The following MIER1 variants were observed in gnomAD, a reference collection of about 807,000 sequenced individuals.
The protein encoded by MIER1 is MIER1 transcriptional regulator, also known as mesoderm induction early response protein 1.
MIER1 carries 40 observed loss-of-function variants against 75.7 expected under a neutral mutation model. That is an observed-to-expected ratio of 0.53 (90% CI 0.41 to 0.69). The LOEUF is 0.69. MIER1 is among the 30% of genes least tolerant of loss of function. The pLI is 0.00. For synonymous variants in MIER1, 213 were observed against 223.4 expected, an observed-to-expected ratio of 0.95 and a Z score of 0.42; for missense variants, 574 against 680.2, an observed-to-expected ratio of 0.84 and a Z score of 1.74.
At chr1:66,984,336 A>C (rs1666473551) in intron 13 of MIER1, among the ~76,000 whole-genome samples, 1 of 152,202 alleles carries the variant, frequency 6.6e-6, no homozygotes, top group Admixed American at 6.5e-5. Context: ...TTTTCACAAC[A>C]ACCCTGTGAG....
At chr1:66,963,054 A>T in intron 7 of MIER1, 34 bp from the exon 8 acceptor site, 1 of 1,402,394 alleles carries the variant, frequency 7.1e-7, no homozygotes, top group Middle Eastern at 1.9e-4. Context: ...CTGTTACTAG[A>T]TCTTACTAAT....
At position 66,959,738 on chromosome 1, in the gene MIER1, A is replaced by G; in HGVS notation, c.694A>G (p.Lys232Glu). Residue 232 changes from lysine (K) to glutamate (E), a missense_variant, in exon 7 of 14, where the codon AAA becomes GAA. Lys to Glu is a moderately conservative substitution (Grantham distance 56). This residue lies in a region of MIER1 where 309 missense variants were observed against 352.8 expected (regional missense o/e 0.88). Coordinates refer to ENST00000401041, the MANE Select transcript of MIER1 (RefSeq NM_001077700.3). The stretch of plus-strand genomic sequence containing the variant: ...AGATTATATTCCATCAGAAGACTGG[A>G]AAAAGGTAGTTAGAACAATATTTTC... Reference protein sequence around the residue: ...DEDYIPSEDWKKEIMVGSMFQ... With the variant: ...DEDYIPSEDWEKEIMVGSMFQ... 6 of 1,393,516 alleles carry G rather than the reference A, an allele frequency of 4.3e-6. No individual in the cohort carries two copies. The highest frequency in any genetic ancestry group is 5.8e-6 in the Non-Finnish European group (6 of 1,039,486). 86.3% of individuals were successfully genotyped at this position (1,393,516 alleles called of 1,614,324 possible).
At chr1:66,943,579 T>C (rs912296343) in intron 3 of MIER1, among the ~76,000 whole-genome samples, 1 of 152,156 alleles carries the variant, frequency 6.6e-6, no homozygotes, top group Admixed American at 6.5e-5. Context: ...CTTTCCTCCT[T>C]TCCTCTTTTC....
chr1:66,944,622 A>G (rs1657054740), intron 3 of MIER1, among the ~76,000 whole-genome samples: 1 of 151,982 alleles, frequency 6.6e-6, no homozygotes, highest in Non-Finnish European at 1.5e-5. Flanking sequence ...GGAGTTCTCT[A>G]TGCAGTTTTA....
At position 66,986,466 on chromosome 1, in the gene MIER1, T is replaced by A; in HGVS notation, c.*1566T>A. On this transcript the variant is annotated 3_prime_UTR_variant, in exon 14 of 14. Coordinates refer to ENST00000401041, the MANE Select transcript of MIER1 (RefSeq NM_001077700.3). ...ATCAGTTCAAGAGCCAATGCCTTTTTAAAATAAAGCTTCTGTGGTCTTGTT... is the reference window on the plus strand; with the variant it reads ...ATCAGTTCAAGAGCCAATGCCTTTTAAAAATAAAGCTTCTGTGGTCTTGTT... The A allele has an allele frequency of 6.2e-6, 10 of 1,609,476 alleles. No homozygotes were observed. The highest frequency in any genetic ancestry group is 7.7e-6 in the Non-Finnish European group (9 of 1,175,918).
In MIER1 at chr1:66,977,077, GT is replaced by G. The variant is rs1664860623; in HGVS notation, c.1229+357del. On this transcript the variant is annotated intron_variant, in intron 12 of 13. Transcript: ENST00000401041. ...TGAAAGCATGTTTTTCTTAAATTCAGTTCCATTCAGTATAAGCACATACAGT... is the reference window on the plus strand; with the variant it reads ...TGAAAGCATGTTTTTCTTAAATTCAGTCCATTCAGTATAAGCACATACAGT... Among the ~76,000 whole-genome samples the G allele has an allele frequency of 3.3e-5, 5 of 151,686 alleles. No homozygotes were observed. The South Asian group carries it at 1.0e-3, about 32-fold the overall frequency.
rs758335095 is a variant in MIER1 at position 66,974,435 on chromosome 1, TG to T, written c.1101+1445del. On this transcript the variant is annotated intron_variant, in intron 11 of 13. Transcript: ENST00000401041. Reference sequence around the variant, plus strand: ...ACATTTTTGGATGAGGTTTTTTTTTTGTTGTTGTTGTTGTTGTTTTTTAACA... The same window carrying T: ...ACATTTTTGGATGAGGTTTTTTTTTTTTGTTGTTGTTGTTGTTTTTTAACA... Among the ~76,000 whole-genome samples the T allele has an allele frequency of 1.8e-3, 264 of 148,850 alleles. 1 individual carries two copies. The highest frequency in any genetic ancestry group is 6.2e-3 in the African/African-American group (239 of 38,718).
At chr1:66,982,068 T>C (rs1280045282) in intron 13 of MIER1, 150 bp downstream of exon 13, 2 of 700,260 alleles carry the variant, frequency 2.9e-6, no homozygotes, top group Non-Finnish European at 2.4e-6. Context: ...TCAGCATACA[T>C]ATATACTAAC....
chr1:66,975,595 A>G (rs890681082), intron 11 of MIER1, among the ~76,000 whole-genome samples: 2 of 152,102 alleles, frequency 1.3e-5, no homozygotes, highest in African/African-American at 4.8e-5. Context: ...CTAAATCCTC[A>G]GTATTTTATA....
intron 7 of MIER1, 103 bp from the exon 8 acceptor site, chr1:66,962,985 T>G: frequency 1.4e-6 from 1 of 740,668 alleles, no homozygotes; most frequent in East Asian, 2.8e-5. Flanking sequence ...TTGTATTTTA[T>G]GACAGAGAAA....
rs764657305 is a variant in MIER1 at position 66,981,793 on chromosome 1, G to A, written c.1244G>A (p.Arg415His). 8 of 1,613,092 alleles carry A rather than the reference G, an allele frequency of 5.0e-6. No individual in the cohort carries two copies. Among genetic ancestry groups the A allele is most frequent in the Non-Finnish European group, 6.8e-6 (8 of 1,179,432 alleles). ...TTAATTTTAAGGGATTACATGGATCGTCTTCTAGACGAAAGTGAAAGTGCT... is the reference window on the plus strand; with the variant it reads ...TTAATTTTAAGGGATTACATGGATCATCTTCTAGACGAAAGTGAAAGTGCT... ...LHPGVTDYMD[R>H]LLDESESAAS... is the part of the protein sequence containing the mutation. Residue 415 changes from arginine (R) to histidine (H), a missense_variant, in exon 13 of 14, where the codon CGT becomes CAT. Physicochemically the swap from Arg to His is conservative, Grantham distance 29. Transcript: ENST00000401041.
chr1:66,971,825 A>G, intron 10 of MIER1, 89 bp downstream of exon 10: 1 of 619,826 alleles, frequency 1.6e-6, no homozygotes, highest in East Asian at 3.0e-5. Context: ...TAAACTTAAT[A>G]ATACTGATTT....
intron 4 of MIER1, among the ~76,000 whole-genome samples, chr1:66,957,114 T>C (rs1346770569): frequency 6.6e-6 from 1 of 151,144 alleles, no homozygotes; most frequent in Admixed American, 6.6e-5. Flanking sequence ...GTGTATAATA[T>C]GTTCACATGA....
At chr1:66,983,396 T>C (rs1284765327) in intron 13 of MIER1, among the ~76,000 whole-genome samples, 3 of 152,232 alleles carry the variant, frequency 2.0e-5, no homozygotes, top group Non-Finnish European at 4.4e-5. Context: ...TCTATCAGAA[T>C]ACAGTATTTG....
At chr1:66,958,563 A>G (rs144046398) in intron 5 of MIER1, among the ~76,000 whole-genome samples, 6 of 152,192 alleles carry the variant, frequency 3.9e-5, no homozygotes, top group Non-Finnish European at 8.8e-5. Flanking sequence ...TTTTAGATTT[A>G]TAAAAGGTTT....
At position 66,967,510 on chromosome 1, in the gene MIER1, CT is replaced by C. The variant is rs200488345; in HGVS notation, c.773-3291del. ...TGTGGTTCCATATAAATTTTAGGAA[CT>C]TTTTTTCTATTTCTGTGAAGAATGT... On this transcript the variant is annotated intron_variant, in intron 8 of 13. Transcript: ENST00000401041. Among the ~76,000 whole-genome samples, 189 of 152,044 alleles carry C rather than the reference CT, an allele frequency of 1.2e-3. 3 individuals are homozygous for C. The East Asian group carries it at 0.033, about 27-fold the overall frequency.
chr1:66,953,122 T>G (rs142995148), intron 4 of MIER1, among the ~76,000 whole-genome samples: 49 of 152,346 alleles, frequency 3.2e-4, no homozygotes, highest in Middle Eastern at 3.4e-3. Flanking sequence ...GGGAATACAG[T>G]TATTCCAATT....
chr1:66,972,237 T>TATATATATATATATATATACACTAC (rs1663798987), intron 10 of MIER1, among the ~76,000 whole-genome samples: 1 of 48,082 alleles, frequency 2.1e-5, no homozygotes. Context: ...ATACACTACA[T>TATATATATATATATATATACACTAC]ATATATATAT....
chr1:66,936,907 G>C (rs1654990800), intron 2 of MIER1, among the ~76,000 whole-genome samples: 1 of 150,794 alleles, frequency 6.6e-6, no homozygotes, highest in South Asian at 2.1e-4. Flanking sequence ...GCTGAGGCAG[G>C]GGAATTGCTT....
Sources: gnomAD v4.1 joint callset for allele counts (sites outside exome capture counted in the v4.1 genomes callset) on GRCh38, gnomAD v4.1.1 for gene constraint, gnomAD v4.1.1 regional missense constraint, MANE v1.5 for transcripts, NCBI Gene and HGNC (gene_info 2026-07-23, HGNC 2026-07-21) for gene names.